SNX8: variants seen among roughly 807,000 people sequenced by gnomAD.
SNX8 encodes the protein sorting nexin-8.
Under a neutral mutation model 51.6 loss-of-function variants are expected in SNX8, and 25 were observed. The observed-to-expected ratio is 0.48, with a 90% CI of 0.35 to 0.68. The LOEUF is 0.68. Ranked by LOEUF, SNX8 falls within the 30% of genes least tolerant of loss-of-function variation. The pLI is 0.00. For synonymous variants in SNX8, 324 were observed against 277.0 expected, an observed-to-expected ratio of 1.17 and a Z score of -1.68; for missense variants, 695 against 624.0, an observed-to-expected ratio of 1.11 and a Z score of -1.21.
At chr7:2,291,133 C>CA (rs1158097228) in intron 1 of SNX8, among the ~76,000 whole-genome samples, 18 of 151,028 alleles carry the variant, frequency 1.2e-4, no homozygotes, top group Middle Eastern at 6.8e-3. Flanking sequence ...CTATTTCTAC[C>CA]AAAAAAAAGA....
Position 2,254,804 on chromosome 7 carries a change from A to C in SNX8, c.*252T>G. On this transcript the variant is annotated 3_prime_UTR_variant, in exon 11 of 11. Coordinates refer to ENST00000222990, the MANE Select transcript of SNX8 (RefSeq NM_013321.4). ...CGCACAGCTCTGGGTGTCAGGAGGA[A>C]ACCATTCCAGAGAACCCCACCACCT... 1 of 556,628 alleles carries C rather than the reference A, an allele frequency of 1.8e-6. No individual in the cohort carries two copies. The highest frequency in any genetic ancestry group is 3.2e-6 in the Non-Finnish European group (1 of 310,862). The allele number at this position is 556,628 out of a possible 1,614,324, so 34.5% of individuals were successfully genotyped here.
upstream of SNX8, among the ~76,000 whole-genome samples, chr7:2,318,409 A>G (rs1796786508): frequency 6.6e-6 from 1 of 151,858 alleles, no homozygotes; most frequent in Admixed American, 6.6e-5. Flanking sequence ...CTGTAATCCC[A>G]GCTACTCGGG....
intron 1 of SNX8, among the ~76,000 whole-genome samples, chr7:2,335,584 C>T (rs552150432): frequency 4.9e-4 from 75 of 152,160 alleles, no homozygotes; most frequent in Non-Finnish European, 9.3e-4. Flanking sequence ...GGGCGTATCA[C>T]GAGGTCAGGA....
Position 2,260,289 on chromosome 7 carries a change from G to T in SNX8, c.916-2486C>A, listed in dbSNP as rs192386754. 5.0e-3 allele frequency among the ~76,000 whole-genome samples: 766 copies of T among 152,194 alleles called. 7 individuals are homozygous for T. Among genetic ancestry groups the T allele is most frequent in the South Asian group, 0.033 (158 of 4,824 alleles). On this transcript the variant is annotated intron_variant, in intron 7 of 10. Transcript: ENST00000222990. ...ATGTTTGTATTTTTAGTAGAGATGG[G>T]GTTTCACCATGTTGGCCAGGCTGGT...
At position 2,254,419 on chromosome 7, in the gene SNX8, G is replaced by C. The variant is rs1236582087; in HGVS notation, c.*637C>G. 1 of 154,742 alleles carries C rather than the reference G, an allele frequency of 6.5e-6. No individual in the cohort carries two copies. Among genetic ancestry groups the C allele is most frequent in the Non-Finnish European group, 1.4e-5 (1 of 69,668 alleles). The allele number at this position is 154,742 out of a possible 1,614,324, so 9.6% of individuals were successfully genotyped here. A position where few individuals can be genotyped will look rare whatever the true frequency, so the allele number is the denominator to read the frequency against. On this transcript the variant is annotated 3_prime_UTR_variant, in exon 11 of 11. Coordinates refer to ENST00000222990, the MANE Select transcript of SNX8 (RefSeq NM_013321.4). ...TGTCTTCCAGGCCTGGGCACACACAGGGTCATGGTGTGGACACAGGCACAC... is the reference window on the plus strand; with the variant it reads ...TGTCTTCCAGGCCTGGGCACACACACGGTCATGGTGTGGACACAGGCACAC...
At chr7:2,268,237 C>T (rs1476165160) in intron 5 of SNX8, among the ~76,000 whole-genome samples, 7 of 142,098 alleles carry the variant, frequency 4.9e-5, no homozygotes, top group Non-Finnish European at 1.1e-4. Flanking sequence ...GGCGAGACCC[C>T]GTCTGGGAGG....
chr7:2,322,485 A>G (rs958183258), intron 1 of SNX8, among the ~76,000 whole-genome samples: 1 of 152,060 alleles, frequency 6.6e-6, no homozygotes, highest in Non-Finnish European at 1.5e-5. Flanking sequence ...ACCTGAGGTC[A>G]GGGGTTCGAG....
At chr7:2,306,174 T>C (rs895167667) in intron 1 of SNX8, among the ~76,000 whole-genome samples, 1 of 151,920 alleles carries the variant, frequency 6.6e-6, no homozygotes, top group South Asian at 2.1e-4. Flanking sequence ...GACAGTCTTG[T>C]TCTGTCGCCC....
intron 3 of SNX8, among the ~76,000 whole-genome samples, chr7:2,272,546 T>C (rs1795675015): frequency 6.6e-6 from 1 of 151,984 alleles, no homozygotes; most frequent in African/African-American, 2.4e-5. Flanking sequence ...TGGCTAATTT[T>C]TGTATTTTTA....
intron 2 of SNX8, among the ~76,000 whole-genome samples, chr7:2,277,033 C>T (rs528738827): frequency 1.3e-5 from 2 of 152,256 alleles, no homozygotes; most frequent in African/African-American, 4.8e-5. Context: ...CAGTGCCGTC[C>T]GGCCGGGGCT....
In SNX8 at chr7:2,269,537, A is replaced by AG; in HGVS notation, c.621+21_621+22insC. 2.8e-6 allele frequency: 4 copies of AG among 1,408,186 alleles called. No homozygotes were observed. The East Asian group carries it at 7.3e-5, about 26-fold the overall frequency. 87.2% of individuals were successfully genotyped at this position (1,408,186 alleles called of 1,614,324 possible). On this transcript the variant is annotated intron_variant, in intron 5 of 10. Transcript: ENST00000222990. ...AAAAAATAAATTAAAAAAAAAAAAAAAGAAAAAAAAAAGAAAAATACCTTG... is the reference window on the plus strand; with the variant it reads ...AAAAAATAAATTAAAAAAAAAAAAAAGAGAAAAAAAAAAGAAAAATACCTTG...
intron 4 of SNX8, 37 bp downstream of exon 4, chr7:2,271,813 C>T: frequency 6.4e-7 from 1 of 1,569,316 alleles, no homozygotes; most frequent in Non-Finnish European, 8.6e-7. Flanking sequence ...TCGGGGACTC[C>T]CCGGGGCCGG....
At chr7:2,267,461 T>G (rs1183776992) in intron 5 of SNX8, among the ~76,000 whole-genome samples, 3 of 133,704 alleles carry the variant, frequency 2.2e-5, no homozygotes, top group Non-Finnish European at 5.1e-5. Context: ...TGCCTGCGAT[T>G]GCAGGCACGC....
chr7:2,333,354 G>C (rs944826127), intron 1 of SNX8, among the ~76,000 whole-genome samples: 1 of 152,162 alleles, frequency 6.6e-6, no homozygotes, highest in Non-Finnish European at 1.5e-5. Context: ...AAGGTCAAGA[G>C]ATCAAGAACA....
At chr7:2,304,239 G>A (rs893281825) in intron 1 of SNX8, among the ~76,000 whole-genome samples, 4 of 150,776 alleles carry the variant, frequency 2.7e-5, no homozygotes, top group East Asian at 2.0e-4. Context: ...AAGAAGGACC[G>A]ACTACACATA....
chr7:2,261,859 G>A (rs140076796), intron 7 of SNX8, among the ~76,000 whole-genome samples: 23 of 152,308 alleles, frequency 1.5e-4, no homozygotes, highest in African/African-American at 5.3e-4. Context: ...AAAAAGCCCC[G>A]ACTCCACAGC....
intron 1 of SNX8, among the ~76,000 whole-genome samples, chr7:2,346,662 C>A (rs1348726556): frequency 7.3e-6 from 1 of 136,874 alleles, no homozygotes; most frequent in Non-Finnish European, 1.5e-5. Context: ...AGGAGAATGG[C>A]GTGAACCTGG....
chr7:2,339,293 C>T (rs781722889), intron 1 of SNX8, among the ~76,000 whole-genome samples: 22 of 152,124 alleles, frequency 1.4e-4, no homozygotes, highest in Non-Finnish European at 4.4e-5. Context: ...GCAACCTCCA[C>T]CTCCTGGGTT....
In SNX8 at chr7:2,257,761, A is replaced by G. The variant is rs949819881; in HGVS notation, c.958T>C (p.Phe320Leu). The G allele has an allele frequency of 6.2e-7, 1 of 1,614,072 alleles. No individual in the cohort carries two copies. Among genetic ancestry groups the G allele is most frequent in the Non-Finnish European group, 8.5e-7 (1 of 1,179,998 alleles). ...ENDVVEKLNL[F>L]LDLLQSYKDL... ...TTATAGGACTGCAGCAGATCCAAGA[A>G]GAGGTTCAGCTTCTCCACCACGTCG... The change falls in exon 8 of 11, where the codon TTC (phenylalanine) becomes CTC (leucine). Residue 320 changes from phenylalanine (F) to leucine (L), a missense_variant. Coordinates refer to ENST00000222990, the MANE Select transcript of SNX8 (RefSeq NM_013321.4).
Sources: gnomAD v4.1 joint callset for allele counts (sites outside exome capture counted in the v4.1 genomes callset) on GRCh38, gnomAD v4.1.1 for gene constraint, MANE v1.5 for transcripts, NCBI Gene and HGNC (gene_info 2026-07-23, HGNC 2026-07-21) for gene names.